CLVS1: variants seen among roughly 807,000 people sequenced by gnomAD.
CLVS1 encodes clavesin-1.
A neutral mutation model predicts 33.1 loss-of-function variants in CLVS1; 10 were observed. The observed-to-expected ratio is 0.30, with a 90% CI of 0.19 to 0.51. The LOEUF (loss-of-function observed/expected upper bound fraction) is 0.51. CLVS1 is among the 20% of genes least tolerant of loss of function. The pLI, the probability that CLVS1 is intolerant of heterozygous loss-of-function variation, is 0.97. For missense variants in CLVS1, 343 were observed against 433.4 expected, an observed-to-expected ratio of 0.79 and a Z score of 1.85; for synonymous variants, 163 against 166.1, an observed-to-expected ratio of 0.98 and a Z score of 0.14.
chr8:60,982,539 T>G, the CLVS1 span, among the ~76,000 whole-genome samples: 2 of 152,200 alleles, frequency 1.3e-5, no homozygotes, highest in Non-Finnish European at 2.9e-5. Context: ...GTGCTGGAAT[T>G]GGTGAGAACC....
At chr8:61,325,571 T>C (rs1031892231) in intron 2 of CLVS1, among the ~76,000 whole-genome samples, 1 of 152,198 alleles carries the variant, frequency 6.6e-6, no homozygotes, top group Non-Finnish European at 1.5e-5. Context: ...TGTTTTGAGA[T>C]AGACTTCTCT....
chr8:61,266,404 T>C (rs1364195757), intron 2 of CLVS1, among the ~76,000 whole-genome samples: 1 of 151,968 alleles, frequency 6.6e-6, no homozygotes, highest in South Asian at 2.1e-4. Flanking sequence ...ATTTGGTTAA[T>C]ATCCTTTTCT....
intron 3 of CLVS1, among the ~76,000 whole-genome samples, chr8:61,437,592 A>G (rs1816380152): frequency 6.6e-6 from 1 of 152,226 alleles, no homozygotes; most frequent in Non-Finnish European, 1.5e-5. Flanking sequence ...ATAAGGCAGG[A>G]CCAATATGGA....
At chr8:61,478,734 T>G (rs1196933732) in intron 5 of CLVS1, among the ~76,000 whole-genome samples, 1 of 152,206 alleles carries the variant, frequency 6.6e-6, no homozygotes, top group Admixed American at 6.5e-5. Flanking sequence ...ATGGGTCTCC[T>G]AAATACAGCA....
At chr8:60,995,527 G>C in the CLVS1 span, among the ~76,000 whole-genome samples, 2 of 152,292 alleles carry the variant, frequency 1.3e-5, no homozygotes, top group African/African-American at 4.8e-5. Context: ...TGCTGGAGAG[G>C]GTGTGGAGAA....
At chr8:61,051,045 A>G in the CLVS1 span, among the ~76,000 whole-genome samples, 1 of 152,168 alleles carries the variant, frequency 6.6e-6, no homozygotes, top group Non-Finnish European at 1.5e-5. Context: ...CAGAGACAAG[A>G]GCAAGGGGTG....
chr8:60,988,556 G>A, the CLVS1 span, among the ~76,000 whole-genome samples: 3 of 151,808 alleles, frequency 2.0e-5, no homozygotes, highest in Non-Finnish European at 2.9e-5. Flanking sequence ...ACTTCTTAAT[G>A]TGCTAGCCAG....
At chr8:61,221,357 C>A (rs370103088) in intron 2 of CLVS1, among the ~76,000 whole-genome samples, 1 of 152,134 alleles carries the variant, frequency 6.6e-6, no homozygotes, top group Non-Finnish European at 1.5e-5. Flanking sequence ...AGATATATTC[C>A]ATCAATACCT....
intron 2 of CLVS1, among the ~76,000 whole-genome samples, chr8:61,182,106 G>A (rs558221647): frequency 8.5e-5 from 13 of 152,272 alleles, no homozygotes; most frequent in African/African-American, 2.6e-4. Context: ...AATAAATAGT[G>A]CTGGGAAAAC....
the CLVS1 span, among the ~76,000 whole-genome samples, chr8:61,025,502 A>G: frequency 6.6e-6 from 1 of 152,212 alleles, no homozygotes; most frequent in South Asian, 2.1e-4. Flanking sequence ...GGACCTCCAG[A>G]GAGCCTTCCT....
At chr8:61,322,535 C>G (rs1482322050) in intron 2 of CLVS1, among the ~76,000 whole-genome samples, 1 of 152,098 alleles carries the variant, frequency 6.6e-6, no homozygotes, top group Admixed American at 6.5e-5. Context: ...TTAGGGACTT[C>G]CAGTGCCATC....
At chr8:61,456,579 G>A (rs1214154214) in intron 4 of CLVS1, among the ~76,000 whole-genome samples, 1 of 152,064 alleles carries the variant, frequency 6.6e-6, no homozygotes, top group Non-Finnish European at 1.5e-5. Flanking sequence ...ATAGAACAAG[G>A]TAGCAAGTGT....
intron 2 of CLVS1, among the ~76,000 whole-genome samples, chr8:61,248,024 C>T (rs1054818752): frequency 3.9e-5 from 6 of 152,080 alleles, no homozygotes; most frequent in Non-Finnish European, 8.8e-5. Flanking sequence ...TATCCCAGTC[C>T]CATTTATTTA....
At chr8:61,173,653 C>T (rs777994481) in intron 2 of CLVS1, among the ~76,000 whole-genome samples, 1 of 152,128 alleles carries the variant, frequency 6.6e-6, no homozygotes, top group Admixed American at 6.6e-5. Context: ...CAGCATATTG[C>T]CTAGAGAGTT....
At chr8:61,433,633 T>C (rs13258160) in intron 3 of CLVS1, among the ~76,000 whole-genome samples, 21,195 of 152,070 alleles carry the variant, frequency 0.14, 1,825 homozygotes, top group African/African-American at 0.23. Flanking sequence ...CGTCTGACTC[T>C]GTGGGCTTCG....
intron 2 of CLVS1, among the ~76,000 whole-genome samples, chr8:61,276,319 T>C (rs1809560896): frequency 6.6e-6 from 1 of 152,232 alleles, no homozygotes; most frequent in Admixed American, 6.5e-5. Context: ...GTGTGGTCAA[T>C]GAACTTGGAA....
chr8:61,119,607 T>G (rs974698843), intron 1 of CLVS1, among the ~76,000 whole-genome samples: 25 of 150,360 alleles, frequency 1.7e-4, no homozygotes, highest in African/African-American at 5.5e-4. Flanking sequence ...GTCTGTAAAG[T>G]ATTTGATTTC....
chr8:61,065,718 G>A (rs1215563397), intron 1 of CLVS1, among the ~76,000 whole-genome samples: 1 of 152,198 alleles, frequency 6.6e-6, no homozygotes, highest in African/African-American at 2.4e-5. Context: ...AGAAAGCTAA[G>A]TAAGGGTATA....
At chr8:61,312,272 C>G (rs1434037407) in intron 2 of CLVS1, among the ~76,000 whole-genome samples, 1 of 152,208 alleles carries the variant, frequency 6.6e-6, no homozygotes, top group Non-Finnish European at 1.5e-5. Context: ...GATAATCACT[C>G]AGAACAGTGA....
Sources: allele counts gnomAD v4.1 joint callset (sites outside exome capture counted in the v4.1 genomes callset), GRCh38; gene constraint gnomAD v4.1.1; transcripts MANE v1.5; gene names NCBI Gene and HGNC (gene_info 2026-07-23, HGNC 2026-07-21).